The following PTPRT variants were observed in gnomAD, a reference collection of about 807,000 sequenced individuals.
The protein encoded by PTPRT is receptor-type tyrosine-protein phosphatase T.
In PTPRT, 56 loss-of-function variants were observed where a neutral mutation model predicts 176.8. The observed-to-expected ratio is 0.32, with a 90% CI of 0.26 to 0.40. The LOEUF (loss-of-function observed/expected upper bound fraction) is 0.40, where lower values mean the gene tolerates loss of function less well. PTPRT is among the 10% of genes least tolerant of loss of function. The pLI, the probability that PTPRT is intolerant of heterozygous loss-of-function variation, is 1.00. For synonymous variants in PTPRT, 783 were observed against 739.0 expected (o/e 1.06, Z -0.96); for missense variants, 1,540 against 1,908.2 (o/e 0.81, Z 3.60).
chr20:42,550,995 C>T (rs1015189924), intron 7 of PTPRT, among the ~76,000 whole-genome samples: 4 of 152,094 alleles, frequency 2.6e-5, no homozygotes, highest in South Asian at 2.1e-4. Flanking sequence ...GTGTGTATAA[C>T]TGGGTAATGT....
At chr20:42,740,507 T>C (rs1480195886) in intron 6 of PTPRT, among the ~76,000 whole-genome samples, 1 of 152,126 alleles carries the variant, frequency 6.6e-6, no homozygotes, top group Non-Finnish European at 1.5e-5. Context: ...CCGCACAGTT[T>C]TGGCAGGACA....
At chr20:42,884,471 A>G (rs1206365718) in intron 2 of PTPRT, among the ~76,000 whole-genome samples, 1 of 151,748 alleles carries the variant, frequency 6.6e-6, no homozygotes, top group Non-Finnish European at 1.5e-5. Flanking sequence ...ATCCTGGAAA[A>G]CCCCGTTCTC....
intron 7 of PTPRT, among the ~76,000 whole-genome samples, chr20:42,495,982 C>G (rs1436720536): frequency 2.0e-5 from 3 of 152,074 alleles, no homozygotes; most frequent in Non-Finnish European, 4.4e-5. Flanking sequence ...ATAACATGAA[C>G]AGTTGGTTAA....
intron 4 of PTPRT, among the ~76,000 whole-genome samples, chr20:42,773,530 C>T (rs2077092578): frequency 6.6e-6 from 1 of 152,126 alleles, no homozygotes; most frequent in Non-Finnish European, 1.5e-5. Flanking sequence ...ACCTTTGAGC[C>T]ACCATGGCTG....
chr20:42,676,315 G>A (rs60275164), intron 7 of PTPRT, among the ~76,000 whole-genome samples: 25,218 of 151,886 alleles, frequency 0.17, 2,394 homozygotes, highest in East Asian at 0.23. Context: ...TTTTCATTTC[G>A]TAACTTGACA....
intron 16 of PTPRT, among the ~76,000 whole-genome samples, chr20:42,192,318 C>G (rs898505086): frequency 6.6e-6 from 1 of 152,098 alleles, no homozygotes; most frequent in Non-Finnish European, 1.5e-5. Flanking sequence ...CAGCCAGCCT[C>G]TATTGTTTTA....
intron 1 of PTPRT, among the ~76,000 whole-genome samples, chr20:43,028,226 T>C (rs1405550405): frequency 6.6e-6 from 1 of 152,076 alleles, no homozygotes; most frequent in East Asian, 1.9e-4. Flanking sequence ...CTCCAACATA[T>C]GGAGAGAGGC....
intron 1 of PTPRT, among the ~76,000 whole-genome samples, chr20:43,143,826 C>T (rs2014089586): frequency 6.6e-6 from 1 of 152,186 alleles, no homozygotes; most frequent in African/African-American, 2.4e-5. Flanking sequence ...GGCCATTCAA[C>T]TGGAGCAAAC....
At chr20:42,390,266 C>T (rs6030199) in intron 9 of PTPRT, among the ~76,000 whole-genome samples, 72 of 152,180 alleles carry the variant, frequency 4.7e-4, no homozygotes, top group African/African-American at 1.6e-3. Flanking sequence ...TGCAATCAGT[C>T]AATACATTAT....
In PTPRT at chr20:42,727,007, G is replaced by T. The variant is rs528546802; in HGVS notation, c.859+29455C>A. Among the ~76,000 whole-genome samples the T allele has an allele frequency of 2.4e-4, 37 of 152,208 alleles. 1 individual carries two copies. The South Asian group carries it at 7.7e-3, about 32-fold the overall frequency. ...TAAATGTCAGTGCCCCTCACAAAAG[G>T]TTACCTCCCAAGGCCTCACTTTTTG... is the stretch of plus-strand genomic sequence containing the variant. On this transcript the variant is annotated intron_variant, in intron 6 of 30. Transcript: ENST00000373187.
intron 1 of PTPRT, among the ~76,000 whole-genome samples, chr20:42,953,864 A>T (rs1410782502): frequency 1.3e-5 from 2 of 152,202 alleles, no homozygotes; most frequent in Non-Finnish European, 2.9e-5. Flanking sequence ...GCTTAGCAGC[A>T]TCTCTTTCCT....
At chr20:42,298,122 A>C (rs950446060) in intron 12 of PTPRT, among the ~76,000 whole-genome samples, 3 of 152,212 alleles carry the variant, frequency 2.0e-5, no homozygotes, top group African/African-American at 4.8e-5. Flanking sequence ...TAAAGTACTG[A>C]TATCTCTGAT....
intron 1 of PTPRT, among the ~76,000 whole-genome samples, chr20:42,948,513 G>C (rs887107400): frequency 1.3e-5 from 2 of 152,158 alleles, no homozygotes; most frequent in African/African-American, 4.8e-5. Context: ...TGAATGGTTG[G>C]TGATGAAACT....
intron 1 of PTPRT, among the ~76,000 whole-genome samples, chr20:42,959,231 A>C (rs1600595517): frequency 6.6e-6 from 1 of 152,170 alleles, no homozygotes; most frequent in East Asian, 1.9e-4. Flanking sequence ...TGACGATTAC[A>C]TGAGCTCATG....
At chr20:42,526,479 C>A (rs113483622) in intron 7 of PTPRT, among the ~76,000 whole-genome samples, 15 of 152,078 alleles carry the variant, frequency 9.9e-5, no homozygotes, top group Non-Finnish European at 2.2e-4. Flanking sequence ...CTAATGGAAG[C>A]AAGATCATAC....
chr20:42,542,532 T>A (rs1006328650), intron 7 of PTPRT, among the ~76,000 whole-genome samples: 2 of 152,152 alleles, frequency 1.3e-5, no homozygotes, highest in African/African-American at 4.8e-5. Flanking sequence ...GTTGTGAGGA[T>A]GTAGAGGAAA....
the PTPRT span, among the ~76,000 whole-genome samples, chr20:42,051,707 A>T: frequency 7.8e-3 from 1,182 of 152,348 alleles, 7 homozygotes; most frequent in Non-Finnish European, 0.011. Flanking sequence ...TAATATTCTC[A>T]ATCACCATCT....
chr20:43,012,144 C>T (rs1192193672), intron 1 of PTPRT, among the ~76,000 whole-genome samples: 1 of 152,162 alleles, frequency 6.6e-6, no homozygotes, highest in Admixed American at 6.5e-5. Context: ...TGAGTCAATA[C>T]TCCTTAATAA....
In PTPRT at chr20:42,711,602, G is replaced by A. The variant is rs181424263; in HGVS notation, c.860-33443C>T. Among the ~76,000 whole-genome samples, 252 of 152,156 alleles carry A rather than the reference G, an allele frequency of 1.7e-3. 2 individuals carry two copies. In the Middle Eastern group the frequency reaches 0.037, roughly 23 times the overall value. On this transcript the variant is annotated intron_variant, in intron 6 of 30. Coordinates refer to ENST00000373187, the MANE Select transcript of PTPRT (RefSeq NM_007050.6). The stretch of plus-strand genomic sequence containing the variant: ...TATACAGCTTACACAACCATGCAGA[G>A]CCAAATAAACCTCTTTTCTTTATAA...
Sources: gnomAD v4.1 joint callset for allele counts (sites outside exome capture counted in the v4.1 genomes callset) on GRCh38, gnomAD v4.1.1 for gene constraint, MANE v1.5 for transcripts, NCBI Gene and HGNC (gene_info 2026-07-23, HGNC 2026-07-21) for gene names.